Variants in INPP4B observed in about 807,000 individuals in gnomAD.
The protein encoded by INPP4B is inositol polyphosphate 4-phosphatase type II.
Under a neutral mutation model 122.5 loss-of-function variants are expected in INPP4B, and 55 were observed. The ratio of observed to expected loss-of-function variants is 0.45; its 90% CI spans 0.36 to 0.56. The LOEUF is 0.56. Ranked by LOEUF, INPP4B falls within the 20% of genes least tolerant of loss-of-function variation. The pLI, the probability that INPP4B is intolerant of heterozygous loss-of-function variation, is 0.00. For missense variants in INPP4B, 1,000 were observed against 1,097.7 expected (o/e 0.91, Z 1.26); for synonymous variants, 403 against 388.7 (o/e 1.04, Z -0.43).
rs1189015356 is a variant in INPP4B at position 142,152,187 on chromosome 4, C to A, written c.1564-6191G>T. ...CTCCCGGGTTCATGCCATTCTCCTG[C>A]CTCAGCCTCCCGGAGTAGCTGGGAC... On this transcript the variant is annotated intron_variant, in intron 17 of 25. Coordinates refer to ENST00000262992, the MANE Select transcript of INPP4B (RefSeq NM_001101669.3). 4.0e-5 allele frequency among the ~76,000 whole-genome samples: 6 copies of A among 150,558 alleles called. No individual in the cohort carries two copies. The East Asian group carries it at 1.2e-3, about 30-fold the overall frequency.
chr4:142,757,068 A>C (rs1162938227), intron 1 of INPP4B, among the ~76,000 whole-genome samples: 1 of 152,158 alleles, frequency 6.6e-6, no homozygotes, highest in Non-Finnish European at 1.5e-5. Context: ...TTCCAGCCCC[A>C]GATAGATATC....
chr4:142,212,343 C>T (rs1845283852), intron 12 of INPP4B, among the ~76,000 whole-genome samples: 1 of 152,142 alleles, frequency 6.6e-6, no homozygotes, highest in African/African-American at 2.4e-5. Context: ...ATCTCCTTTA[C>T]CATTAATCCC....
intron 21 of INPP4B, among the ~76,000 whole-genome samples, chr4:142,116,839 CA>C (rs879654241): frequency 2.0e-5 from 3 of 151,790 alleles, no homozygotes; most frequent in Admixed American, 2.0e-4. Flanking sequence ...GATAGAGACA[CA>C]AAAAACCGTT....
At position 142,777,862 on chromosome 4, in the gene INPP4B, T is replaced by C. The variant is rs9999487; in HGVS notation, c.-253-51961A>G. The stretch of plus-strand genomic sequence containing the variant: ...ACAGTGTGTCTTTAGAGATTATCTA[T>C]GGAAAGAGTGGCACAGCCTACCAGC... On this transcript the variant is annotated intron_variant, in intron 1 of 25. Transcript: ENST00000262992. 9.2e-3 allele frequency among the ~76,000 whole-genome samples: 1,397 copies of C among 152,252 alleles called. 26 individuals are homozygous for C. The highest frequency in any genetic ancestry group is 0.032 in the African/African-American group (1,344 of 41,556).
intron 3 of INPP4B, among the ~76,000 whole-genome samples, chr4:142,455,918 T>C (rs190089841): frequency 2.4e-4 from 37 of 152,250 alleles, no homozygotes; most frequent in African/African-American, 8.4e-4. Context: ...GTTGAGTACC[T>C]TTTCATATAC....
chr4:142,309,261 C>T (rs1158617898), intron 8 of INPP4B, among the ~76,000 whole-genome samples: 2 of 151,530 alleles, frequency 1.3e-5, no homozygotes, highest in Non-Finnish European at 2.9e-5. Flanking sequence ...TTTAAAAAGT[C>T]TATGAGAAAT....
chr4:142,136,428 C>G (rs866908038), intron 18 of INPP4B, among the ~76,000 whole-genome samples: 1 of 152,250 alleles, frequency 6.6e-6, no homozygotes, highest in African/African-American at 2.4e-5. Flanking sequence ...TCTCAGAGCA[C>G]AGGGCTCTGC....
intron 2 of INPP4B, among the ~76,000 whole-genome samples, chr4:142,551,571 A>G (rs1329503627): frequency 6.6e-6 from 1 of 152,164 alleles, no homozygotes; most frequent in African/African-American, 2.4e-5. Flanking sequence ...CCTCAAACTT[A>G]TTATAATTTG....
intron 2 of INPP4B, among the ~76,000 whole-genome samples, chr4:142,463,318 C>T (rs980429721): frequency 3.3e-5 from 5 of 152,112 alleles, no homozygotes; most frequent in Admixed American, 6.5e-5. Context: ...CACCCAGTGC[C>T]GCATGCTTAT....
At chr4:142,634,062 G>C (rs1488905183) in intron 2 of INPP4B, among the ~76,000 whole-genome samples, 1 of 151,796 alleles carries the variant, frequency 6.6e-6, no homozygotes, top group African/African-American at 2.4e-5. Flanking sequence ...AAAGGCAGGG[G>C]GCTGGAGGGA....
intron 7 of INPP4B, among the ~76,000 whole-genome samples, chr4:142,316,311 A>AT (rs1767639679): frequency 6.6e-6 from 1 of 152,040 alleles, no homozygotes; most frequent in African/African-American, 2.4e-5. Flanking sequence ...CTGCATTAAC[A>AT]TTTTTTGGCC....
chr4:142,718,307 T>A (rs980595238), intron 2 of INPP4B, among the ~76,000 whole-genome samples: 1 of 152,178 alleles, frequency 6.6e-6, no homozygotes, highest in African/African-American at 2.4e-5. Context: ...GAAATGGAAG[T>A]TAGCTTTTTA....
intron 2 of INPP4B, among the ~76,000 whole-genome samples, chr4:142,465,735 T>TG (rs1262079554): frequency 6.6e-6 from 1 of 152,184 alleles, no homozygotes; most frequent in Non-Finnish European, 1.5e-5. Context: ...GACCGGATCC[T>TG]GGGGGAGGAT....
rs535263329 is a variant in INPP4B at position 142,723,144 on chromosome 4, A to G, written c.-191+2695T>C. On this transcript the variant is annotated intron_variant, in intron 2 of 25. Coordinates refer to ENST00000262992, the MANE Select transcript of INPP4B (RefSeq NM_001101669.3). ...AGCCTTATAACCCAGTTTCTTTTCA[A>G]TTTACAAAATTGTGTTTACAGAAAG... 4.6e-4 allele frequency among the ~76,000 whole-genome samples: 70 copies of G among 152,192 alleles called. 1 individual carries two copies. The highest frequency in any genetic ancestry group is 1.7e-3 in the African/African-American group (69 of 41,554).
At chr4:142,425,700 A>C (rs1193435518) in intron 5 of INPP4B, among the ~76,000 whole-genome samples, 1 of 151,948 alleles carries the variant, frequency 6.6e-6, no homozygotes, top group Non-Finnish European at 1.5e-5. Flanking sequence ...TCTTTCGCCC[A>C]AGTCAAGTGC....
intron 2 of INPP4B, among the ~76,000 whole-genome samples, chr4:142,630,433 T>C (rs1747680830): frequency 6.6e-6 from 1 of 152,120 alleles, no homozygotes; most frequent in Admixed American, 6.6e-5. Context: ...ATTAGTGATG[T>C]TTATGTTCTT....
At chr4:142,218,883 T>G (rs886466011) in intron 12 of INPP4B, among the ~76,000 whole-genome samples, 2 of 152,164 alleles carry the variant, frequency 1.3e-5, no homozygotes, top group Non-Finnish European at 2.9e-5. Context: ...AAATGACTGG[T>G]AGGTGGCTTC....
chr4:142,186,415 C>T (rs1007126921), intron 15 of INPP4B, among the ~76,000 whole-genome samples: 4 of 152,260 alleles, frequency 2.6e-5, no homozygotes, highest in South Asian at 2.1e-4. Flanking sequence ...ACACTGGGAG[C>T]GGAGTCTATG....
At chr4:142,203,719 C>A (rs897102689) in intron 14 of INPP4B, among the ~76,000 whole-genome samples, 3 of 152,000 alleles carry the variant, frequency 2.0e-5, no homozygotes, top group Non-Finnish European at 4.4e-5. Flanking sequence ...TTACTTATTT[C>A]AAGAGCTACA....
Sources: gnomAD v4.1 joint callset for allele counts (sites outside exome capture counted in the v4.1 genomes callset) on GRCh38, gnomAD v4.1.1 for gene constraint, MANE v1.5 for transcripts, NCBI Gene and HGNC (gene_info 2026-07-23, HGNC 2026-07-21) for gene names.